Variants in MUC5B observed in about 807,000 individuals in gnomAD.
MUC5B encodes mucin-5B.
In MUC5B, 116 loss-of-function variants were observed where a neutral mutation model predicts 376.9. That is an observed-to-expected ratio of 0.31 (90% CI 0.26 to 0.36). The LOEUF (loss-of-function observed/expected upper bound fraction) is 0.36, where lower values mean the gene tolerates loss of function less well. MUC5B is among the 10% of genes least tolerant of loss of function. MUC5B has a pLI of 1.00. For synonymous variants in MUC5B, 3,517 were observed against 3,390.9 expected (o/e 1.04, Z -1.29); for missense variants, 7,165 against 7,769.9 (o/e 0.92, Z 2.93).
Position 1,246,271 on chromosome 11 carries a change from A to G in MUC5B, c.9391A>G (p.Thr3131Ala), listed in dbSNP as rs967168392. ...SMSTPSSTPG[T>A]TWILTELTTA... ...GTCCACCCCCTCCTCCACTCCGGGG[A>G]CGACCTGGATCCTCACAGAGCTGAC... is the stretch of plus-strand genomic sequence containing the variant. The change falls in exon 31 of 49, where the codon ACG (threonine) becomes GCG (alanine). Residue 3131 changes from threonine (T) to alanine (A), a missense_variant. Thr to Ala is a moderately conservative substitution (Grantham distance 58). Transcript: ENST00000529681. 1 of 1,611,798 alleles carries G rather than the reference A, an allele frequency of 6.2e-7. No individual in the cohort carries two copies. The highest frequency in any genetic ancestry group is 1.3e-5 in the African/African-American group (1 of 74,294).
rs1386128937 is a variant in MUC5B, at chr11:1,253,072, ACAGTGGGGTG to A, written c.15217+101_15217+110del. ...CTGGCAGAATGGGGCATGGTGGGGCACAGTGGGGTGCAGTGGGGAATGGTGGGGCATGGTG... is the reference window on the plus strand; with the variant it reads ...CTGGCAGAATGGGGCATGGTGGGGCACAGTGGGGAATGGTGGGGCATGGTG... On this transcript the variant is annotated intron_variant, in intron 33 of 48. Coordinates refer to ENST00000529681, the MANE Select transcript of MUC5B (RefSeq NM_002458.3). This position sits in a 1 kb window ranked among gnomAD's most constrained non-coding sequence, Gnocchi z 4.3. The A allele has an allele frequency of 2.9e-5, 39 of 1,355,596 alleles. No homozygotes were observed. Among genetic ancestry groups the A allele is most frequent in the South Asian group, 3.7e-5 (3 of 82,176 alleles). 84.0% of individuals were successfully genotyped at this position (1,355,596 alleles called of 1,614,324 possible). A position where few individuals can be genotyped will look rare whatever the true frequency, so the allele number is the denominator to read the frequency against.
At position 1,234,376 on chromosome 11, in the gene MUC5B, A is replaced by G. The variant is rs55849092; in HGVS notation, c.2478+71A>G. The G allele has an allele frequency of 1.5e-5, 22 of 1,513,244 alleles. No homozygotes were observed. In the East Asian group the frequency reaches 5.4e-4, roughly 37 times the overall value. 93.7% of individuals were successfully genotyped at this position (1,513,244 alleles called of 1,614,324 possible). ...GCTTTCCCAGCTCCCGAGCCCAGGG[A>G]TCTGGTGGTCCTGGAGACACTTACC... On this transcript the variant is annotated intron_variant, in intron 20 of 48. Transcript: ENST00000529681. This position sits in a 1 kb window ranked among gnomAD's most constrained non-coding sequence, Gnocchi z 6.3.
Position 1,240,394 on chromosome 11 carries a change from T to C in MUC5B, c.3970+19T>C. 2.5e-6 allele frequency: 4 copies of C among 1,577,728 alleles called. No individual in the cohort carries two copies. The highest frequency in any genetic ancestry group is 3.5e-6 in the Non-Finnish European group (4 of 1,157,204). ...ACGACAAGTAAGCCCTGCCTGGCTC[T>C]CCTGAGGCCCAGTACCGTCTGGGTG... On this transcript the variant is annotated intron_variant, in intron 30 of 48. Transcript: ENST00000529681.
chr11:1,251,453 T>C lies in MUC5B; in HGVS notation c.14573T>C (p.Met4858Thr), dbSNP rs201272490. The C allele has an allele frequency of 1.4e-4, 221 of 1,546,162 alleles. No homozygotes were observed. The highest frequency in any genetic ancestry group is 2.7e-4 in the African/African-American group (20 of 73,058). ...GAGCCGAGCACTATAGCCACCGTGA[T>C]GGTGCCCACCGGTTCCACGGCCACC... ...LTEPSTIATV[M>T]VPTGSTATAS... Residue 4858 changes from methionine (M) to threonine (T), a missense_variant, in exon 31 of 49, where the codon ATG (methionine) becomes ACG (threonine). This residue lies in a region of MUC5B where 730 missense variants were observed against 592.7 expected (regional missense o/e 1.23). Coordinates refer to ENST00000529681, the MANE Select transcript of MUC5B (RefSeq NM_002458.3).
Position 1,234,171 on chromosome 11 carries a change from C to G in MUC5B, c.2378-34C>G, listed in dbSNP as rs536366235. ...TCAGTTGAGGGCCGTGGCTGCCCTT[C>G]CCCAGGACCCCTCCCACCAAGCTCT... On this transcript the variant is annotated intron_variant, in intron 19 of 48. Transcript: ENST00000529681. This position sits in a 1 kb window ranked among gnomAD's most constrained non-coding sequence, Gnocchi z 6.3. 1 of 1,540,120 alleles carries G rather than the reference C, an allele frequency of 6.5e-7. No individual in the cohort carries two copies. Among genetic ancestry groups the G allele is most frequent in the Admixed American group, 1.8e-5 (1 of 54,218 alleles).
chr11:1,231,897 C>A, intron 14 of MUC5B, 99 bp from the exon 15 acceptor site: 1 of 1,501,908 alleles, frequency 6.7e-7, no homozygotes, highest in Non-Finnish European at 9.1e-7. Context: ...ACAGGGCTCC[C>A]AGCCGTTCCA....
chr11:1,257,213 C>T lies in MUC5B; in HGVS notation c.16238-27C>T, dbSNP rs368579623. The T allele has an allele frequency of 5.8e-5, 45 of 779,554 alleles. 1 individual carries two copies. The highest frequency in any genetic ancestry group is 5.4e-4 in the African/African-American group (32 of 59,168). 48.3% of individuals were successfully genotyped at this position (779,554 alleles called of 1,614,324 possible). ...CTCCGCCTGCAAACTCAGCACCCTC[C>T]GTGATGCCATGCTGTTTTCTTTCCA... is the stretch of plus-strand genomic sequence containing the variant. On this transcript the variant is annotated intron_variant, in intron 39 of 48. Transcript: ENST00000529681. The surrounding 1 kb of genome is among the most constrained non-coding windows in gnomAD (Gnocchi z 8.9).
Position 1,252,989 on chromosome 11 carries a change from G to A in MUC5B, c.15217+9G>A, listed in dbSNP as rs777055142. 34 of 1,612,464 alleles carry A rather than the reference G, an allele frequency of 2.1e-5. No homozygotes were observed. The East Asian group carries it at 4.5e-4, about 21-fold the overall frequency. ...CCACTATGAGTGCGAGTGTGAGTGC[G>A]TCGGTGGCCGCGGGATTACCCCGGG... On this transcript the variant is annotated intron_variant, in intron 33 of 48. Transcript: ENST00000529681.
chr11:1,242,325 G>A lies in MUC5B; in HGVS notation c.5445G>A (p.Arg1815=). The change falls in exon 31 of 49, where the codon AGG becomes AGA. Residue 1815 remains arginine (R), a synonymous_variant. Coordinates refer to ENST00000529681, the MANE Select transcript of MUC5B (RefSeq NM_002458.3). ...GGDMETFENI[R]AAGGKMCWAP... Reference sequence around the variant, plus strand: ...ACATGGAAACTTTTGAAAACATCAGGGCTGCTGGGGGCAAGATGTGCTGGG... The same window carrying A: ...ACATGGAAACTTTTGAAAACATCAGAGCTGCTGGGGGCAAGATGTGCTGGG... 1 of 1,613,874 alleles carries A rather than the reference G, an allele frequency of 6.2e-7. No individual in the cohort carries two copies. The highest frequency in any genetic ancestry group is 1.1e-5 in the South Asian group (1 of 91,084).
intron 15 of MUC5B, 81 bp downstream of exon 15, chr11:1,232,241 C>T: frequency 2.1e-5 from 31 of 1,463,242 alleles, no homozygotes; most frequent in Non-Finnish European, 2.8e-5. Flanking sequence ...CCACGGGGAC[C>T]CCTGGGTGGG....
chr11:1,256,211 C>G lies in MUC5B; in HGVS notation c.16122C>G (p.Ala5374=), dbSNP rs368778725. Reference sequence around the variant, plus strand: ...AGCCATGCGGCCCCATACAGCCTGCCACCTGCAACTCTAGGTAAGTACAGG... The same window carrying G: ...AGCCATGCGGCCCCATACAGCCTGCGACCTGCAACTCTAGGTAAGTACAGG... ...VYKPCGPIQP[A]TCNSRNQSPQ... Residue 5374 remains alanine, a synonymous_variant, in exon 38 of 49, where the codon GCC becomes GCG. Transcript: ENST00000529681. The G allele has an allele frequency of 1.4e-6, 1 of 731,260 alleles. No homozygotes were observed. Among genetic ancestry groups the G allele is most frequent in the Non-Finnish European group, 2.5e-6 (1 of 393,390 alleles). 45.3% of individuals were successfully genotyped at this position (731,260 alleles called of 1,614,324 possible). A position where few individuals can be genotyped will look rare whatever the true frequency, so the allele number is the denominator to read the frequency against.
intron 1 of MUC5B, 176 bp downstream of exon 1, chr11:1,223,369 C>A: frequency 2.9e-6 from 2 of 688,052 alleles, no homozygotes; most frequent in South Asian, 3.0e-5. Context: ...GCCCCACGGG[C>A]TCACAGTGTC....
rs1564946845 is a variant in MUC5B at position 1,248,743 on chromosome 11, A to G, written c.11863A>G (p.Thr3955Ala). The change falls in exon 31 of 49, where the codon ACG becomes GCG. Residue 3955 changes from threonine (T) to alanine (A), a missense_variant. Thr to Ala is a moderately conservative substitution (Grantham distance 58). Coordinates refer to ENST00000529681, the MANE Select transcript of MUC5B (RefSeq NM_002458.3). ...PSLITTATTI[T>A]ATGSTTNPSS... Reference sequence around the variant, plus strand: ...ACTGATCACCACGGCCACTACGATCACGGCCACCGGCTCCACCACCAACCC... The same window carrying G: ...ACTGATCACCACGGCCACTACGATCGCGGCCACCGGCTCCACCACCAACCC... The G allele has an allele frequency of 1.9e-6, 3 of 1,556,332 alleles. No homozygotes were observed. Among genetic ancestry groups the G allele is most frequent in the Non-Finnish European group, 2.6e-6 (3 of 1,149,932 alleles).
Position 1,241,596 on chromosome 11 carries a change from C to G in MUC5B, c.4716C>G (p.Phe1572Leu). The part of the protein sequence containing the change: ...VGQKVHCDVH[F>L]GLVCRNWEQE... ...AGAAGGTGCACTGTGACGTCCACTT[C>G]GGCCTGGTGTGCAGGAACTGGGAGC... The change falls in exon 31 of 49, where the codon TTC becomes TTG. Residue 1572 changes from phenylalanine (F) to leucine (L), a missense_variant. This residue lies in a region of MUC5B where 25 missense variants were observed against 46.5 expected (regional missense o/e 0.54). Coordinates refer to ENST00000529681, the MANE Select transcript of MUC5B (RefSeq NM_002458.3). The G allele has an allele frequency of 6.2e-7, 1 of 1,612,286 alleles. No homozygotes were observed. Among genetic ancestry groups the G allele is most frequent in the Non-Finnish European group, 8.5e-7 (1 of 1,179,338 alleles).
Position 1,242,155 on chromosome 11 carries a change from G to C in MUC5B, c.5275G>C (p.Glu1759Gln). 6.2e-7 allele frequency: 1 copy of C among 1,613,460 alleles called. No homozygotes were observed. Among genetic ancestry groups the C allele is most frequent in the Non-Finnish European group, 8.5e-7 (1 of 1,179,880 alleles). Residue 1759 changes from glutamate to glutamine, a missense_variant, in exon 31 of 49, where the codon GAG becomes CAG. By Grantham distance (29) the Glu-to-Gln change is conservative. Around this residue, in one of 31 missense-constraint regions of MUC5B, gnomAD observed 897 missense variants for 779.6 expected, o/e 1.15. Transcript: ENST00000529681. Reference protein sequence around the residue: ...LTSELSTSQAETSTPRTETTM... With the variant: ...LTSELSTSQAQTSTPRTETTM... ...GAGCGAGCTGTCCACCTCTCAGGCCGAGACCAGCACGCCCAGGACAGAGAC... is the reference window on the plus strand; with the variant it reads ...GAGCGAGCTGTCCACCTCTCAGGCCCAGACCAGCACGCCCAGGACAGAGAC...
rs774473285 is a variant in MUC5B at position 1,241,230 on chromosome 11, G to A, written c.4350G>A (p.Thr1450=). 2.0e-5 allele frequency: 32 copies of A among 1,591,228 alleles called. No homozygotes were observed. Among genetic ancestry groups the A allele is most frequent in the Non-Finnish European group, 2.3e-5 (27 of 1,169,156 alleles). ...CTCAGCCCTCCCTCAGTGCCAGCAC[G>A]GAGCCTGCTGTGCCTACCCCAACCC... The part of the protein sequence containing the change: ...TSPQPSLSAS[T]EPAVPTPTQT... Residue 1450 remains threonine, a synonymous_variant, in exon 31 of 49, where the codon ACG becomes ACA. Transcript: ENST00000529681.
intron 2 of MUC5B, 89 bp from the exon 3 acceptor site, chr11:1,226,116 G>T: frequency 1.5e-6 from 2 of 1,343,172 alleles, no homozygotes; most frequent in Non-Finnish European, 2.0e-6. Context: ...TTCAACTCTG[G>T]TGGCTGGCGA....
intron 7 of MUC5B, 32 bp from the exon 8 acceptor site, chr11:1,228,532 G>C: frequency 6.7e-7 from 1 of 1,487,358 alleles, no homozygotes; most frequent in Non-Finnish European, 9.0e-7. Flanking sequence ...TGGATGGCAG[G>C]GGTGCCCAGC....
At chr11:1,259,523 C>A (rs1465329660) in intron 44 of MUC5B, 15 of 587,542 alleles carry the variant, frequency 2.6e-5, no homozygotes, top group Non-Finnish European at 4.6e-5. Flanking sequence ...CTGCTGGGGA[C>A]AGGGGCTGAG....
Sources: gnomAD v4.1 joint callset for allele counts on GRCh38, gnomAD v4.1.1 for gene constraint, gnomAD v4.1.1 regional missense constraint, Gnocchi (gnomAD v3.1) non-coding constraint, MANE v1.5 for transcripts, NCBI Gene and HGNC (gene_info 2026-07-23, HGNC 2026-07-21) for gene names.